The following CNTLN variants were observed in gnomAD, a reference collection of about 807,000 sequenced individuals.
CNTLN encodes the protein centlein, also known as centlein, centrosomal protein.
A neutral mutation model predicts 180.0 loss-of-function variants in CNTLN; 212 were observed. The ratio of observed to expected loss-of-function variants is 1.18; its 90% confidence interval spans 1.05 to 1.32. CNTLN has a LOEUF of 1.32. Among genes scored for constraint, CNTLN ranks in the 40% most tolerant of loss-of-function variants. The probability of loss-of-function intolerance (pLI) is 0.00; values close to 1 mark genes in which losing one functional copy is unlikely to be tolerated. For missense variants in CNTLN, 2,095 were observed against 1,610.9 expected, an observed-to-expected ratio of 1.30 and a Z score of -5.14; for synonymous variants, 722 against 563.1, an observed-to-expected ratio of 1.28 and a Z score of -3.99.
At chr9:17,220,750 T>A (rs975611705) in intron 2 of CNTLN, among the ~76,000 whole-genome samples, 1 of 152,190 alleles carries the variant, frequency 6.6e-6, no homozygotes, top group Non-Finnish European at 1.5e-5. Flanking sequence ...TTCAGCTCCA[T>A]CCCTGTCCCT....
At chr9:17,357,446 G>A (rs575341477) in intron 12 of CNTLN, among the ~76,000 whole-genome samples, 1 of 151,232 alleles carries the variant, frequency 6.6e-6, no homozygotes, top group South Asian at 2.1e-4. Context: ...TTATCCCTTA[G>A]GTTGTATTCA....
intron 8 of CNTLN, among the ~76,000 whole-genome samples, chr9:17,324,531 A>G (rs1820132486): frequency 6.6e-6 from 1 of 152,164 alleles, no homozygotes; most frequent in African/African-American, 2.4e-5. Context: ...ACATGTAAAT[A>G]TTACTAATTT....
chr9:17,218,960 A>C (rs1304746445), intron 2 of CNTLN, among the ~76,000 whole-genome samples: 1 of 152,166 alleles, frequency 6.6e-6, no homozygotes, highest in Non-Finnish European at 1.5e-5. Flanking sequence ...ATAATTTCTC[A>C]GATTTTTGAG....
At position 17,269,320 on chromosome 9, in the gene CNTLN, C is replaced by G. The variant is rs193141440; in HGVS notation, c.850-4413C>G. ...CTGCTAACTTTTGGTTCAATTTGTT[C>G]TTCTTCTAATTGTTTCCAATGTGTA... is the stretch of plus-strand genomic sequence containing the variant. On this transcript the variant is annotated intron_variant, in intron 5 of 25. Coordinates refer to ENST00000380647, the MANE Select transcript of CNTLN (RefSeq NM_017738.4). 2.0e-5 allele frequency among the ~76,000 whole-genome samples: 3 copies of G among 151,660 alleles called. No individual in the cohort carries two copies. In the East Asian group the frequency reaches 5.8e-4, roughly 29 times the overall value.
intron 5 of CNTLN, among the ~76,000 whole-genome samples, chr9:17,248,521 T>A (rs1305133627): frequency 7.0e-6 from 1 of 143,226 alleles, no homozygotes; most frequent in Non-Finnish European, 1.5e-5. Context: ...TTATAATTTA[T>A]AAATATTTAT....
chr9:17,357,233 C>T (rs971582330), intron 12 of CNTLN, among the ~76,000 whole-genome samples: 1 of 151,158 alleles, frequency 6.6e-6, no homozygotes, highest in Non-Finnish European at 1.5e-5. Context: ...GTATATACCA[C>T]ATTTTGTTTA....
chr9:17,310,746 T>C (rs959082256), intron 8 of CNTLN, among the ~76,000 whole-genome samples: 11 of 152,352 alleles, frequency 7.2e-5, no homozygotes, highest in African/African-American at 2.6e-4. Flanking sequence ...TTGTCAGACT[T>C]CTTAATTCAT....
chr9:17,261,216 G>T (rs139657750), intron 5 of CNTLN, among the ~76,000 whole-genome samples: 6 of 151,352 alleles, frequency 4.0e-5, no homozygotes, highest in Non-Finnish European at 1.5e-5. Flanking sequence ...CAAAAGTGAC[G>T]TTGGTAGTTT....
chr9:17,438,983 T>C lies in CNTLN; in HGVS notation c.3115-18541T>C, dbSNP rs189530484. ...AAAGTATATCAAGAAGGGAATGATA[T>C]ACTTTATCATTCTCTATGCCAACTG... is the stretch of plus-strand genomic sequence containing the variant. On this transcript the variant is annotated intron_variant, in intron 18 of 25. Coordinates refer to ENST00000380647, the MANE Select transcript of CNTLN (RefSeq NM_017738.4). Among the ~76,000 whole-genome samples the C allele has an allele frequency of 2.6e-5, 4 of 152,292 alleles. No individual in the cohort carries two copies. In the East Asian group the frequency reaches 7.7e-4, roughly 29 times the overall value.
chr9:17,370,433 C>G (rs113463894), intron 13 of CNTLN, among the ~76,000 whole-genome samples: 2 of 151,960 alleles, frequency 1.3e-5, no homozygotes, highest in African/African-American at 4.8e-5. Context: ...AAAACAACAA[C>G]AGACTTTTGC....
chr9:17,191,375 A>C (rs1042157712), intron 2 of CNTLN, among the ~76,000 whole-genome samples: 2 of 152,232 alleles, frequency 1.3e-5, no homozygotes, highest in African/African-American at 4.8e-5. Flanking sequence ...TGCAGTGTCC[A>C]ATAGATGTCA....
chr9:17,171,867 G>T (rs1820442496), intron 2 of CNTLN, among the ~76,000 whole-genome samples: 1 of 152,110 alleles, frequency 6.6e-6, no homozygotes, highest in Non-Finnish European at 1.5e-5. Context: ...TCTCCCTGTG[G>T]TGGTGGCTTC....
At chr9:17,427,013 C>G (rs532367748) in intron 18 of CNTLN, among the ~76,000 whole-genome samples, 2 of 152,270 alleles carry the variant, frequency 1.3e-5, no homozygotes, top group African/African-American at 4.8e-5. Context: ...TGGTCCCAAT[C>G]AGAGACATAT....
At chr9:17,319,595 C>G (rs1819767621) in intron 8 of CNTLN, among the ~76,000 whole-genome samples, 1 of 152,098 alleles carries the variant, frequency 6.6e-6, no homozygotes, top group African/African-American at 2.4e-5. Context: ...TAGACTTGAT[C>G]ACTTAATTGT....
At position 17,420,782 on chromosome 9, in the gene CNTLN, A is replaced by G. The variant is rs576002593; in HGVS notation, c.3114+4593A>G. The stretch of plus-strand genomic sequence containing the variant: ...GATTATTTGTTTCAAGAAATTATTG[A>G]ATTTTCCTCTTAATTTCTTGTTTCT... On this transcript the variant is annotated intron_variant, in intron 18 of 25. Transcript: ENST00000380647. 1.3e-4 allele frequency among the ~76,000 whole-genome samples: 20 copies of G among 152,160 alleles called. No individual in the cohort carries two copies. In the South Asian group the frequency reaches 3.9e-3, roughly 30 times the overall value.
chr9:17,289,503 G>A (rs1213269235), intron 6 of CNTLN, among the ~76,000 whole-genome samples: 1 of 137,686 alleles, frequency 7.3e-6, no homozygotes, highest in Admixed American at 7.3e-5. Flanking sequence ...TTGCTCTTCT[G>A]GAGGAGTGTC....
chr9:17,236,500 G>T lies in CNTLN; in HGVS notation c.761G>T (p.Cys254Phe), dbSNP rs369799276. Residue 254 changes from cysteine (C) to phenylalanine (F), a missense_variant, in exon 5 of 26, where the codon TGC (cysteine) becomes TTC (phenylalanine). Physicochemically the swap from Cys to Phe is radical, Grantham distance 205 (BLOSUM62 -2). Coordinates refer to ENST00000380647, the MANE Select transcript of CNTLN (RefSeq NM_017738.4). ...EEENKKLSTR[C>F]TDLLNDLEKL... The stretch of plus-strand genomic sequence containing the variant: ...GAAAACAAGAAATTAAGTACCCGCT[G>T]CACTGACCTGCTAAATGACCTGGAG... 1.7e-5 allele frequency: 28 copies of T among 1,613,542 alleles called. No individual in the cohort carries two copies. In the African/African-American group the frequency reaches 3.6e-4, roughly 21 times the overall value.
At chr9:17,359,455 A>T (rs1472770804) in intron 12 of CNTLN, among the ~76,000 whole-genome samples, 1 of 152,066 alleles carries the variant, frequency 6.6e-6, no homozygotes, top group African/African-American at 2.4e-5. Flanking sequence ...GAGTATGAAA[A>T]GATATTTTCA....
intron 6 of CNTLN, among the ~76,000 whole-genome samples, chr9:17,294,308 G>A (rs1426737490): frequency 6.6e-6 from 1 of 152,030 alleles, no homozygotes; most frequent in Non-Finnish European, 1.5e-5. Flanking sequence ...CCCACATCCT[G>A]CTGATTGGTC....
Sources: gnomAD v4.1 joint callset for allele counts (sites outside exome capture counted in the v4.1 genomes callset) on GRCh38, gnomAD v4.1.1 for gene constraint, MANE v1.5 for transcripts, NCBI Gene and HGNC (gene_info 2026-07-23, HGNC 2026-07-21) for gene names.